The following RHOA variants were observed in gnomAD, a reference collection of about 807,000 sequenced individuals.
The protein encoded by RHOA is transforming protein RhoA.
In RHOA, 3 loss-of-function variants were observed where a neutral mutation model predicts 17.5. The observed-to-expected ratio is 0.17, with a 90% CI of 0.08 to 0.44. The LOEUF is 0.44. Ranked by LOEUF, RHOA falls within the 20% of genes least tolerant of loss-of-function variation. RHOA has a pLI of 0.99. For missense variants in RHOA, 56 were observed against 242.3 expected (o/e 0.23, Z 5.10); for synonymous variants, 98 against 88.4 (o/e 1.11, Z -0.61).
In RHOA at chr3:49,360,057, T is replaced by C. The variant is rs938266874; in HGVS notation, c.*152A>G. The C allele has an allele frequency of 3.0e-5, 26 of 880,628 alleles. No homozygotes were observed. Among genetic ancestry groups the C allele is most frequent in the Admixed American group, 9.2e-5 (3 of 32,572 alleles). 54.6% of individuals were successfully genotyped at this position (880,628 alleles called of 1,614,324 possible). A position where few individuals can be genotyped will look rare whatever the true frequency, so the allele number is the denominator to read the frequency against. On this transcript the variant is annotated 3_prime_UTR_variant, in exon 5 of 5. Coordinates refer to ENST00000418115, the MANE Select transcript of RHOA (RefSeq NM_001664.4). Reference sequence around the variant, plus strand: ...ACGGGTTGGACATCGTTAATAATCATAGTTGGCTTCTAAATACTGGTAGCA... The same window carrying C: ...ACGGGTTGGACATCGTTAATAATCACAGTTGGCTTCTAAATACTGGTAGCA...
chr3:49,403,038 TAAA>T (rs34145759), intron 1 of RHOA, among the ~76,000 whole-genome samples: 2 of 136,156 alleles, frequency 1.5e-5, no homozygotes. Flanking sequence ...TTCCATCTCA[TAAA>T]AAAAAAAAAA....
chr3:49,361,186 T>G (rs1347793233), intron 4 of RHOA: 3 of 164,866 alleles, frequency 1.8e-5, no homozygotes, highest in African/African-American at 7.2e-5. Flanking sequence ...AACATGGTAT[T>G]CACTGGGAAG....
rs550603153 is a variant in RHOA, at chr3:49,359,958, T to C, written c.*251A>G. ...CAAGAAGTTAAGAAATTCCTTGAAT[T>C]AGCGCCTGGTGTGTCAGGTGGGAGT... On this transcript the variant is annotated 3_prime_UTR_variant, in exon 5 of 5. Coordinates refer to ENST00000418115, the MANE Select transcript of RHOA (RefSeq NM_001664.4). 5.4e-5 allele frequency: 22 copies of C among 405,714 alleles called. No homozygotes were observed. Among genetic ancestry groups the C allele is most frequent in the Admixed American group, 3.4e-4 (8 of 23,636 alleles). 25.1% of individuals were successfully genotyped at this position (405,714 alleles called of 1,614,324 possible).
intron 1 of RHOA, among the ~76,000 whole-genome samples, chr3:49,376,015 A>T (rs560956333): frequency 2.0e-4 from 31 of 151,880 alleles, no homozygotes; most frequent in African/African-American, 7.5e-4. Context: ...CATCCAGCTA[A>T]TTTTTGATAG....
At chr3:49,410,217 A>C (rs961184630) in intron 1 of RHOA, among the ~76,000 whole-genome samples, 18 of 152,180 alleles carry the variant, frequency 1.2e-4, no homozygotes, top group African/African-American at 3.9e-4. Flanking sequence ...TAAATGGAGA[A>C]TACCTTAACA....
intron 2 of RHOA, among the ~76,000 whole-genome samples, chr3:49,369,743 TA>T (rs879683347): frequency 5.1e-3 from 624 of 122,622 alleles, no homozygotes; most frequent in Admixed American, 6.8e-3. Context: ...CCTCCATCTC[TA>T]AAAAAAAAAA....
chr3:49,377,877 G>A (rs962282584), intron 1 of RHOA, among the ~76,000 whole-genome samples: 4 of 151,720 alleles, frequency 2.6e-5, no homozygotes, highest in South Asian at 2.1e-4. Flanking sequence ...GGCTGGGCAC[G>A]GTAGCTCACA....
intron 1 of RHOA, among the ~76,000 whole-genome samples, chr3:49,386,367 C>T (rs1276889489): frequency 1.3e-5 from 2 of 152,246 alleles, no homozygotes; most frequent in East Asian, 3.9e-4. Flanking sequence ...ATATAAGAAA[C>T]AGCTAACAAA....
chr3:49,399,651 T>C (rs2048689478), intron 1 of RHOA, among the ~76,000 whole-genome samples: 1 of 151,352 alleles, frequency 6.6e-6, no homozygotes, highest in African/African-American at 2.4e-5. Context: ...AGTGGAGTGA[T>C]CATGACTCAC....
intron 1 of RHOA, among the ~76,000 whole-genome samples, chr3:49,402,347 G>GCT (rs2048739394): frequency 6.6e-6 from 1 of 151,998 alleles, no homozygotes; most frequent in Non-Finnish European, 1.5e-5. Flanking sequence ...TATGCTTATT[G>GCT]TAAACCTTAT....
At chr3:49,392,398 T>TAC (rs1240908313) in intron 1 of RHOA, among the ~76,000 whole-genome samples, 4 of 152,144 alleles carry the variant, frequency 2.6e-5, no homozygotes, top group Admixed American at 2.6e-4. Context: ...GCCATGATCA[T>TAC]ACCATTGCTC....
intron 1 of RHOA, among the ~76,000 whole-genome samples, chr3:49,397,613 C>T (rs1347474086): frequency 6.6e-6 from 1 of 152,094 alleles, no homozygotes; most frequent in Admixed American, 6.6e-5. Context: ...GTTATAAAGA[C>T]TACATTTCCC....
chr3:49,390,581 T>C (rs922644850), intron 1 of RHOA, among the ~76,000 whole-genome samples: 2 of 152,102 alleles, frequency 1.3e-5, no homozygotes, highest in African/African-American at 4.8e-5. Context: ...AGGATTTAAT[T>C]CACACCTTAC....
chr3:49,372,452 AACT>A (rs1390125003), intron 2 of RHOA, among the ~76,000 whole-genome samples: 11 of 152,226 alleles, frequency 7.2e-5, no homozygotes, highest in Non-Finnish European at 1.6e-4. Context: ...AAAGAGCACA[AACT>A]ATAGGACGGG....
At chr3:49,408,317 T>A (rs1410196798) in intron 1 of RHOA, among the ~76,000 whole-genome samples, 1 of 150,172 alleles carries the variant, frequency 6.7e-6, no homozygotes, top group Non-Finnish European at 1.5e-5. Context: ...CACACACATA[T>A]GCTTAAATAT....
intron 1 of RHOA, among the ~76,000 whole-genome samples, chr3:49,411,251 C>A (rs561080979): frequency 2.6e-5 from 4 of 152,238 alleles, no homozygotes; most frequent in Admixed American, 6.5e-5. Flanking sequence ...TAGATCATAC[C>A]CCTAAGCGTT....
At position 49,411,885 on chromosome 3, in the gene RHOA, G is replaced by A. The variant is rs11552760; in HGVS notation, c.-68C>T. ...ACGCCGGTCCGCGAGTCGCAAACTC[G>A]GAGACGAAGGCGGGTAGCTGAAGAC... On this transcript the variant is annotated 5_prime_UTR_variant, in exon 1 of 5. Transcript: ENST00000418115. The A allele has an allele frequency of 1.3e-5, 2 of 152,200 alleles. No individual in the cohort carries two copies. Among genetic ancestry groups the A allele is most frequent in the African/African-American group, 4.8e-5 (2 of 41,426 alleles). 9.4% of individuals were successfully genotyped at this position (152,200 alleles called of 1,614,324 possible). A position where few individuals can be genotyped will look rare whatever the true frequency, so the allele number is the denominator to read the frequency against.
intron 1 of RHOA, among the ~76,000 whole-genome samples, chr3:49,381,671 C>A (rs1175203547): frequency 1.3e-5 from 2 of 151,650 alleles, no homozygotes; most frequent in African/African-American, 4.8e-5. Context: ...TCGAGACCAG[C>A]CTGACCAACA....
chr3:49,370,064 C>A (rs1285070599), intron 2 of RHOA, among the ~76,000 whole-genome samples: 1 of 150,026 alleles, frequency 6.7e-6, no homozygotes, highest in Admixed American at 6.7e-5. Context: ...GCCTGGCCAA[C>A]AAGAGCGAAA....
Sources: gnomAD v4.1 joint callset for allele counts (sites outside exome capture counted in the v4.1 genomes callset) on GRCh38, gnomAD v4.1.1 for gene constraint, MANE v1.5 for transcripts, NCBI Gene and HGNC (gene_info 2026-07-23, HGNC 2026-07-21) for gene names.